The following SHISA6 variants were observed in gnomAD, a reference collection of about 807,000 sequenced individuals.
SHISA6 encodes the protein protein shisa-6.
SHISA6 carries 22 observed loss-of-function variants against 47.9 expected under a neutral mutation model. That is an observed-to-expected ratio of 0.46 (90% confidence interval 0.33 to 0.66). SHISA6 has a LOEUF of 0.66. Ranked by LOEUF, SHISA6 falls within the 30% of genes least tolerant of loss-of-function variation. The probability of loss-of-function intolerance (pLI) is 0.02; values close to 1 mark genes in which losing one functional copy is unlikely to be tolerated. For missense variants in SHISA6, 680 were observed against 764.6 expected (o/e 0.89, Z 1.30); for synonymous variants, 388 against 337.8 (o/e 1.15, Z -1.63).
chr17:11,452,677 CT>C (rs1915430534), intron 3 of SHISA6, among the ~76,000 whole-genome samples: 1 of 132,458 alleles, frequency 7.5e-6, no homozygotes, highest in Non-Finnish European at 1.6e-5. Flanking sequence ...CCTCCTTCTC[CT>C]CTTCCTCTCC....
chr17:11,518,131 G>A (rs1228219146), intron 3 of SHISA6, among the ~76,000 whole-genome samples: 1 of 152,124 alleles, frequency 6.6e-6, no homozygotes, highest in Non-Finnish European at 1.5e-5. Context: ...CGAGAGCACA[G>A]GTCTAGATTT....
At chr17:11,331,637 TCCACACTCC>T (rs2142205052) in intron 2 of SHISA6, among the ~76,000 whole-genome samples, 1 of 152,182 alleles carries the variant, frequency 6.6e-6, no homozygotes, top group South Asian at 2.1e-4. Flanking sequence ...ACAATGAAAC[TCCACACTCC>T]CTTTGCTCTC....
At chr17:11,511,929 C>T (rs560971244) in intron 3 of SHISA6, among the ~76,000 whole-genome samples, 2 of 152,308 alleles carry the variant, frequency 1.3e-5, no homozygotes, top group Admixed American at 6.5e-5. Flanking sequence ...AGACCTTGGG[C>T]GTGTGGTACA....
At chr17:11,246,367 G>A (rs1285909387) in intron 1 of SHISA6, among the ~76,000 whole-genome samples, 2 of 152,192 alleles carry the variant, frequency 1.3e-5, no homozygotes, top group Non-Finnish European at 2.9e-5. Context: ...GCATGCGCCT[G>A]TAGTCCCAGC....
chr17:11,334,359 CGTT>C (rs1369625651), intron 2 of SHISA6, among the ~76,000 whole-genome samples: 1 of 152,142 alleles, frequency 6.6e-6, no homozygotes, highest in Non-Finnish European at 1.5e-5. Context: ...GTGTCAGAAG[CGTT>C]GTGAGTAAAA....
At chr17:11,478,902 G>A (rs12940348) in intron 3 of SHISA6, among the ~76,000 whole-genome samples, 92,348 of 146,480 alleles carry the variant, frequency 0.63, 29,930 homozygotes, top group African/African-American at 0.79. Flanking sequence ...TTGGCGATGC[G>A]GGCTCTTTTT....
chr17:11,317,297 T>A (rs1301113515), intron 2 of SHISA6, among the ~76,000 whole-genome samples: 2 of 152,086 alleles, frequency 1.3e-5, no homozygotes, highest in African/African-American at 4.8e-5. Flanking sequence ...TTCAAAAAAA[T>A]TTATGATTGC....
chr17:11,335,484 T>TGGACA (rs1452816678), intron 2 of SHISA6, among the ~76,000 whole-genome samples: 2 of 152,158 alleles, frequency 1.3e-5, no homozygotes, highest in Non-Finnish European at 2.9e-5. Flanking sequence ...AATTTCTGAT[T>TGGACA]GGACAGAAAC....
At chr17:11,291,388 C>A (rs1909535350) in intron 2 of SHISA6, among the ~76,000 whole-genome samples, 2 of 151,964 alleles carry the variant, frequency 1.3e-5, no homozygotes, top group Admixed American at 6.6e-5. Flanking sequence ...GTAATCTCAG[C>A]ACTTTGGGAG....
chr17:11,507,615 C>T (rs1468647443), intron 3 of SHISA6, among the ~76,000 whole-genome samples: 1 of 152,140 alleles, frequency 6.6e-6, no homozygotes, highest in Non-Finnish European at 1.5e-5. Context: ...TGATGCTTTC[C>T]TACAGTCCAG....
At chr17:11,473,132 C>T (rs2142323552) in intron 3 of SHISA6, among the ~76,000 whole-genome samples, 1 of 152,278 alleles carries the variant, frequency 6.6e-6, no homozygotes, top group South Asian at 2.1e-4. Context: ...TGTCTTGAAA[C>T]TGTCTTTGAC....
At chr17:11,387,521 G>T (rs529001041) in intron 3 of SHISA6, among the ~76,000 whole-genome samples, 1 of 152,246 alleles carries the variant, frequency 6.6e-6, no homozygotes, top group South Asian at 2.1e-4. Flanking sequence ...ACTCTGAGAA[G>T]GGCATGAAGC....
intron 3 of SHISA6, among the ~76,000 whole-genome samples, chr17:11,521,521 C>T (rs374096668): frequency 1.3e-5 from 2 of 152,284 alleles, no homozygotes; most frequent in South Asian, 2.1e-4. Context: ...CAGTGGTTCA[C>T]GCCTGTAATC....
intron 2 of SHISA6, among the ~76,000 whole-genome samples, chr17:11,336,395 A>T (rs1460227961): frequency 6.6e-6 from 1 of 151,926 alleles, no homozygotes; most frequent in Non-Finnish European, 1.5e-5. Flanking sequence ...ATGGGGGCAG[A>T]GAGAGAAGAG....
chr17:11,329,496 C>T (rs1164863310), intron 2 of SHISA6, among the ~76,000 whole-genome samples: 1 of 151,974 alleles, frequency 6.6e-6, no homozygotes, highest in East Asian at 1.9e-4. Context: ...TTTGGCCCTG[C>T]CCTTCCCAAC....
chr17:11,350,396 G>A (rs1460359589), intron 2 of SHISA6, among the ~76,000 whole-genome samples: 1 of 149,884 alleles, frequency 6.7e-6, no homozygotes, highest in East Asian at 2.0e-4. Context: ...TGGCAAGGAT[G>A]GTCTCGATCT....
chr17:11,258,526 A>G (rs1021875759), intron 1 of SHISA6, among the ~76,000 whole-genome samples: 1 of 152,174 alleles, frequency 6.6e-6, no homozygotes, highest in African/African-American at 2.4e-5. Flanking sequence ...AAAATAATCC[A>G]AGTTTTCATT....
intron 3 of SHISA6, among the ~76,000 whole-genome samples, chr17:11,549,131 C>A (rs1261314267): frequency 6.6e-6 from 1 of 152,110 alleles, no homozygotes; most frequent in Non-Finnish European, 1.5e-5. Context: ...CAAAATGACA[C>A]ATATACAAGA....
At chr17:11,526,109 G>GCCCCC (rs1597569226) in intron 3 of SHISA6, among the ~76,000 whole-genome samples, 1 of 96,984 alleles carries the variant, frequency 1.0e-5, no homozygotes, top group Admixed American at 1.2e-4. Context: ...CTACCAAGGG[G>GCCCCC]ACCCCCCCCC....
Sources: allele counts gnomAD v4.1 joint callset (sites outside exome capture counted in the v4.1 genomes callset), GRCh38; gene constraint gnomAD v4.1.1; transcripts MANE v1.5; gene names NCBI Gene and HGNC (gene_info 2026-07-23, HGNC 2026-07-21).